RBPMS: variants seen among roughly 807,000 people sequenced by gnomAD.
RBPMS encodes the protein RNA binding protein, mRNA processing factor.
Under a neutral mutation model 26.8 loss-of-function variants are expected in RBPMS, and 7 were observed. The ratio of observed to expected loss-of-function variants is 0.26; its 90% CI spans 0.15 to 0.49. RBPMS has a LOEUF of 0.49. Ranked by LOEUF, RBPMS falls within the 20% of genes least tolerant of loss-of-function variation. RBPMS has a pLI of 0.98. For synonymous variants in RBPMS, 96 were observed against 93.3 expected, an observed-to-expected ratio of 1.03 and a Z score of -0.17; for missense variants, 186 against 250.0, an observed-to-expected ratio of 0.74 and a Z score of 1.73.
chr8:30,384,974 A>G lies in RBPMS; in HGVS notation c.-119A>G, dbSNP rs1008579348. On this transcript the variant is annotated 5_prime_UTR_variant, in exon 1 of 9. Transcript: ENST00000397323. The surrounding 1 kb of genome is among the most constrained non-coding windows in gnomAD (Gnocchi z 5.6). ...GCCCCGGCTCCAGCTCCAGCCCCAC[A>G]GCCCGCGGCGCCCGCCCGAGGGAGC... 7.7e-5 allele frequency: 49 copies of G among 638,092 alleles called. No individual in the cohort carries two copies. The highest frequency in any genetic ancestry group is 1.2e-4 in the South Asian group (3 of 25,310). The allele number at this position is 638,092 out of a possible 1,614,324, so 39.5% of individuals were successfully genotyped here.
intron 1 of RBPMS, among the ~76,000 whole-genome samples, chr8:30,413,511 C>G (rs377191224): frequency 1.4e-4 from 21 of 152,348 alleles, no homozygotes; most frequent in African/African-American, 5.1e-4. Context: ...TCTCAGCCTG[C>G]TCCAAGAAGA....
intron 5 of RBPMS, among the ~76,000 whole-genome samples, chr8:30,525,832 T>C (rs1349903520): frequency 6.6e-6 from 1 of 152,228 alleles, no homozygotes; most frequent in Non-Finnish European, 1.5e-5. Flanking sequence ...CCAGCTGGCC[T>C]TCCTAGCCCT....
At chr8:30,390,278 A>G (rs1470479151) in intron 1 of RBPMS, among the ~76,000 whole-genome samples, 1 of 152,222 alleles carries the variant, frequency 6.6e-6, no homozygotes, top group Non-Finnish European at 1.5e-5. Context: ...TCACAAGCCT[A>G]GCGGTGAGAA....
At chr8:30,457,170 C>T (rs1815318310) in intron 1 of RBPMS, among the ~76,000 whole-genome samples, 2 of 152,172 alleles carry the variant, frequency 1.3e-5, no homozygotes, top group South Asian at 2.1e-4. Flanking sequence ...CAGGTTCTGA[C>T]AGTTTTGAGA....
chr8:30,549,771 C>CT (rs1223358739), intron 6 of RBPMS, among the ~76,000 whole-genome samples: 3 of 46,408 alleles, frequency 6.5e-5, no homozygotes, highest in African/African-American at 1.2e-4. Flanking sequence ...CTTTTCTTTT[C>CT]TTCTCTCTCT....
intron 5 of RBPMS, among the ~76,000 whole-genome samples, chr8:30,515,854 G>A (rs765378426): frequency 6.6e-6 from 1 of 151,940 alleles, no homozygotes; most frequent in East Asian, 1.9e-4. Flanking sequence ...ATGGGGCCTC[G>A]CTTTGTTGCC....
chr8:30,550,307 G>A (rs1241295087), intron 6 of RBPMS, among the ~76,000 whole-genome samples: 1 of 152,186 alleles, frequency 6.6e-6, no homozygotes, highest in South Asian at 2.1e-4. Context: ...TTTACACGCT[G>A]TGCGACCTCA....
Position 30,549,794 on chromosome 8 carries a change from C to CTCTCTCTCTCTCTCTCTCTCTCTCTCTG in RBPMS, c.528+5172_528+5173insTCTCTCTCTCTCTCTCTCTCTCTCTGTC, listed in dbSNP as rs1246392654. ...TTCTTCTCTCTCTCTCTCTCTCTCTCTCCCCTCTCTCCTCTCTCTCTCTCT... is the reference window on the plus strand; with the variant it reads ...TTCTTCTCTCTCTCTCTCTCTCTCTCTCTCTCTCTCTCTCTCTCTCTCTCTCTGTCCCCTCTCTCCTCTCTCTCTCTCT... On this transcript the variant is annotated intron_variant, in intron 6 of 8. Transcript: ENST00000397323. Among the ~76,000 whole-genome samples, 8 of 103,964 alleles carry CTCTCTCTCTCTCTCTCTCTCTCTCTCTG rather than the reference C, an allele frequency of 7.7e-5. 1 individual carries two copies. The highest frequency in any genetic ancestry group is 3.6e-4 in the African/African-American group (8 of 22,106). 68.2% of individuals were successfully genotyped at this position (103,964 alleles called of 152,430 possible).
chr8:30,480,283 C>G (rs542052019), intron 4 of RBPMS, among the ~76,000 whole-genome samples: 1 of 152,260 alleles, frequency 6.6e-6, no homozygotes. Context: ...TGGGAACTTG[C>G]GTCTGGCCTT....
chr8:30,539,009 G>T (rs1825105579), intron 5 of RBPMS, among the ~76,000 whole-genome samples: 1 of 152,162 alleles, frequency 6.6e-6, no homozygotes, highest in African/African-American at 2.4e-5. Flanking sequence ...GTCCTTAAAA[G>T]AGTGGGCCTG....
chr8:30,408,409 A>G (rs1808900869), intron 1 of RBPMS, among the ~76,000 whole-genome samples: 1 of 152,214 alleles, frequency 6.6e-6, no homozygotes, highest in South Asian at 2.1e-4. Context: ...GGTGCCTGTA[A>G]TCCCAGCTAC....
chr8:30,456,994 A>G (rs1585531050), intron 1 of RBPMS, among the ~76,000 whole-genome samples: 1 of 152,328 alleles, frequency 6.6e-6, no homozygotes, highest in East Asian at 1.9e-4. Flanking sequence ...TGTTGGTCGT[A>G]TCTTTATTTG....
chr8:30,551,927 T>G (rs1278192953), intron 6 of RBPMS, among the ~76,000 whole-genome samples: 1 of 152,202 alleles, frequency 6.6e-6, no homozygotes, highest in Non-Finnish European at 1.5e-5. Context: ...AGTAAGATGT[T>G]TGGCTTAAAG....
At chr8:30,525,937 A>G (rs554025414) in intron 5 of RBPMS, among the ~76,000 whole-genome samples, 1 of 152,384 alleles carries the variant, frequency 6.6e-6, no homozygotes, top group East Asian at 1.9e-4. Flanking sequence ...CTTGCCACTC[A>G]TGAGAAATGT....
intron 1 of RBPMS, among the ~76,000 whole-genome samples, chr8:30,466,519 C>A (rs576229300): frequency 6.6e-6 from 1 of 152,136 alleles, no homozygotes; most frequent in African/African-American, 2.4e-5. Flanking sequence ...GCACTCCAGC[C>A]TGACCAGAAC....
At chr8:30,493,582 A>G (rs1819624232) in intron 4 of RBPMS, among the ~76,000 whole-genome samples, 2 of 152,024 alleles carry the variant, frequency 1.3e-5, no homozygotes, top group African/African-American at 4.8e-5. Context: ...CCTGAGTAAG[A>G]GAGTACCATC....
chr8:30,474,970 A>G, intron 2 of RBPMS, 114 bp downstream of exon 2: 1 of 701,134 alleles, frequency 1.4e-6, no homozygotes, highest in Non-Finnish European at 2.5e-6. Context: ...TGTTTTTAAA[A>G]GGTTAATGAG....
At chr8:30,461,069 C>T (rs762168297) in intron 1 of RBPMS, among the ~76,000 whole-genome samples, 1 of 150,192 alleles carries the variant, frequency 6.7e-6, no homozygotes, top group Non-Finnish European at 1.5e-5. Flanking sequence ...AAGAAATTAA[C>T]GGGAAAAAGA....
intron 5 of RBPMS, among the ~76,000 whole-genome samples, chr8:30,519,456 CTCTTTTTTTTTTTTTTTTTTTTTTTTT>C (rs1822779142): frequency 8.6e-6 from 1 of 116,492 alleles, no homozygotes; most frequent in African/African-American, 3.6e-5. Context: ...GAGGATCTCT[CTCTTTTTTTTTTTTTTTTTTTTTTTTT>C]TTTTTTTTTT....
Sources: allele counts gnomAD v4.1 joint callset (sites outside exome capture counted in the v4.1 genomes callset), GRCh38; gene constraint gnomAD v4.1.1; non-coding constraint Gnocchi (gnomAD v3.1); transcripts MANE v1.5; gene names NCBI Gene and HGNC (gene_info 2026-07-23, HGNC 2026-07-21).